ASPG: variants seen among roughly 807,000 people sequenced by gnomAD.
ASPG encodes the protein asparaginase.
A neutral mutation model predicts 63.2 loss-of-function variants in ASPG; 53 were observed. The ratio of observed to expected loss-of-function variants is 0.84; its 90% CI spans 0.67 to 1.05. The LOEUF (loss-of-function observed/expected upper bound fraction) is 1.05. ASPG is among the 50% of genes least tolerant of loss of function. The pLI is 0.00. For missense variants in ASPG, 741 were observed against 794.4 expected, an observed-to-expected ratio of 0.93 and a Z score of 0.81; for synonymous variants, 370 against 355.0, an observed-to-expected ratio of 1.04 and a Z score of -0.48.
In ASPG at chr14:104,085,862, A is replaced by G. The variant is rs1362093384; in HGVS notation, c.82+10A>G. The stretch of plus-strand genomic sequence containing the variant: ...CGGAGTGAGCTCGGCGGTGAGTCCG[A>G]GACCCTGGGCGGGGTAGGCCTCTGG... On this transcript the variant is annotated intron_variant, in intron 1 of 15. Coordinates refer to ENST00000551177, the MANE Select transcript of ASPG (RefSeq NM_001080464.3). 16 of 1,579,078 alleles carry G rather than the reference A, an allele frequency of 1.0e-5. No homozygotes were observed. The highest frequency in any genetic ancestry group is 2.8e-5 in the African/African-American group (2 of 72,172).
chr14:104,107,598 G>C (rs1250352591), intron 12 of ASPG, among the ~76,000 whole-genome samples: 1 of 152,168 alleles, frequency 6.6e-6, no homozygotes, highest in Non-Finnish European at 1.5e-5. Flanking sequence ...GGCTGGGGTG[G>C]AGGTGGGGCA....
chr14:104,104,138 G>A (rs1451282988), intron 7 of ASPG, among the ~76,000 whole-genome samples, 166 bp from the exon 8 acceptor site: 8 of 152,190 alleles, frequency 5.3e-5, no homozygotes, highest in African/African-American at 1.9e-4. Flanking sequence ...CCCTCCAGGT[G>A]CCAGCAGCCA....
intron 12 of ASPG, chr14:104,108,934 C>T (rs1332770890): frequency 1.0e-6 from 1 of 985,260 alleles, no homozygotes; most frequent in Non-Finnish European, 1.2e-6. Flanking sequence ...AACTAATGCC[C>T]TCCCCTGGGT....
chr14:104,100,194 C>G (rs1343734394), intron 6 of ASPG, among the ~76,000 whole-genome samples: 1 of 152,176 alleles, frequency 6.6e-6, no homozygotes, highest in African/African-American at 2.4e-5. Flanking sequence ...AGGCAAGGAC[C>G]CTGGGGAGCT....
intron 1 of ASPG, among the ~76,000 whole-genome samples, chr14:104,087,944 A>C (rs946276793): frequency 3.3e-5 from 5 of 152,172 alleles, no homozygotes; most frequent in Non-Finnish European, 7.3e-5. Context: ...GACCTGAAGC[A>C]GCCTTCTGAG....
intron 13 of ASPG, chr14:104,111,073 T>C (rs989360439): frequency 3.3e-5 from 33 of 985,280 alleles, no homozygotes; most frequent in Non-Finnish European, 4.0e-5. Flanking sequence ...GGAAGAGCGG[T>C]GTGTTGTGTA....
At chr14:104,112,438 G>T in intron 15 of ASPG, 86 bp from the exon 16 acceptor site, 1 of 825,112 alleles carries the variant, frequency 1.2e-6, no homozygotes, top group South Asian at 1.4e-5. Flanking sequence ...GGGCTGTGCC[G>T]TACAGACGGG....
At chr14:104,107,926 G>A (rs142787388) in intron 12 of ASPG, among the ~76,000 whole-genome samples, 31 of 152,300 alleles carry the variant, frequency 2.0e-4, no homozygotes, top group Admixed American at 5.9e-4. Flanking sequence ...GCCGCTGCCC[G>A]GACCCATGGG....
rs2037395288 is a variant in ASPG, at chr14:104,111,929, G to A, written c.1630G>A (p.Ala544Thr). ...GHSALHVAEAAGNLAVVAFLQ... is the reference protein window; with the variant it reads ...GHSALHVAEATGNLAVVAFLQ... ...CACTGCTTCCCCATAGGCAGAGGCA[G>A]CCGGGAACCTGGCAGTGGTGGCCTT... The change falls in exon 15 of 16, where the codon GCC becomes ACC. Residue 544 changes from alanine (A) to threonine (T), a missense_variant. Transcript: ENST00000551177. 1 of 1,554,658 alleles carries A rather than the reference G, an allele frequency of 6.4e-7. No homozygotes were observed. Among genetic ancestry groups the A allele is most frequent in the Non-Finnish European group, 8.7e-7 (1 of 1,148,856 alleles).
At chr14:104,099,647 G>A (rs1160153003) in intron 6 of ASPG, among the ~76,000 whole-genome samples, 1 of 152,230 alleles carries the variant, frequency 6.6e-6, no homozygotes, top group Non-Finnish European at 1.5e-5. Flanking sequence ...CCCGGCCCCT[G>A]CCTGTTCCAG....
Position 104,107,184 on chromosome 14 carries a change from C to A in ASPG, c.1272C>A (p.Gly424=). 6.4e-7 allele frequency: 1 copy of A among 1,563,814 alleles called. No individual in the cohort carries two copies. ...VEALQALVEL[G]SDLGLVDFNG... ...CGCATGTCCTTGTGTTACTCCAGGG[C>A]AGTGACCTGGGCCTGGTGGACTTTA... Residue 424 remains glycine, a splice_region_variant and synonymous_variant, in exon 12 of 16, where the codon GGC becomes GGA. Transcript: ENST00000551177.
At position 104,109,209 on chromosome 14, in the gene ASPG, G is replaced by A. The variant is rs561069481; in HGVS notation, c.1434-20G>A. ...CTGGGCTGGCCAGGGCAGAAGGTCA[G>A]CATGCTCATTCTCACACAGGCATCC... On this transcript the variant is annotated intron_variant, in intron 12 of 15. Transcript: ENST00000551177. The surrounding 1 kb of genome is among the most constrained non-coding windows in gnomAD (Gnocchi z 4.8). 1 of 1,612,012 alleles carries A rather than the reference G, an allele frequency of 6.2e-7. No homozygotes were observed. Among genetic ancestry groups the A allele is most frequent in the South Asian group, 1.1e-5 (1 of 90,588 alleles).
intron 12 of ASPG, among the ~76,000 whole-genome samples, chr14:104,107,901 G>A (rs930088330): frequency 2.0e-5 from 3 of 152,158 alleles, no homozygotes; most frequent in Admixed American, 6.5e-5. Context: ...GAAGGCCAAC[G>A]ACCTGTCTGC....
At chr14:104,107,428 CG>C (rs2037185179) in intron 12 of ASPG, 83 bp downstream of exon 12, 7 of 1,269,620 alleles carry the variant, frequency 5.5e-6, no homozygotes. Flanking sequence ...AACAGCCTCC[CG>C]GGGCTGGGCT....
Position 104,109,368 on chromosome 14 carries a change from G to T in ASPG, c.1520+53G>T. Reference sequence around the variant, plus strand: ...CCAGGGATGTGGGGGACACAGCTTGGGGAAGCGAAGCCAGACCTGCTGGGA... The same window carrying T: ...CCAGGGATGTGGGGGACACAGCTTGTGGAAGCGAAGCCAGACCTGCTGGGA... On this transcript the variant is annotated intron_variant, in intron 13 of 15. Coordinates refer to ENST00000551177, the MANE Select transcript of ASPG (RefSeq NM_001080464.3). The surrounding 1 kb of genome is among the most constrained non-coding windows in gnomAD (Gnocchi z 4.8). The T allele has an allele frequency of 1.3e-6, 2 of 1,534,696 alleles. No homozygotes were observed. Among genetic ancestry groups the T allele is most frequent in the South Asian group, 1.2e-5 (1 of 81,276 alleles).
chr14:104,109,745 G>A lies in ASPG; in HGVS notation c.1520+430G>A, dbSNP rs995843034. Among the ~76,000 whole-genome samples the A allele has an allele frequency of 6.6e-5, 10 of 151,924 alleles. No homozygotes were observed. Among genetic ancestry groups the A allele is most frequent in the African/African-American group, 2.2e-4 (9 of 41,324 alleles). On this transcript the variant is annotated intron_variant, in intron 13 of 15. Coordinates refer to ENST00000551177, the MANE Select transcript of ASPG (RefSeq NM_001080464.3). The surrounding 1 kb of genome is among the most constrained non-coding windows in gnomAD (Gnocchi z 4.8). ...CACAGAGGAGCTGAAGCCCCTGGCAGGTGACAGGTCTCGTGAGCTCTGTTC... is the reference window on the plus strand; with the variant it reads ...CACAGAGGAGCTGAAGCCCCTGGCAAGTGACAGGTCTCGTGAGCTCTGTTC...
intron 13 of ASPG, 35 bp from the exon 14 acceptor site, chr14:104,111,467 G>A: frequency 3.3e-6 from 5 of 1,511,142 alleles, no homozygotes; most frequent in Non-Finnish European, 4.5e-6. Flanking sequence ...GTGCCCAGCA[G>A]GCCCCAACAA....
intron 6 of ASPG, among the ~76,000 whole-genome samples, chr14:104,101,932 G>A (rs563729915): frequency 6.6e-4 from 100 of 152,288 alleles, no homozygotes; most frequent in African/African-American, 2.2e-3. Context: ...AGCCACCAGC[G>A]CTCCTCTCTG....
At chr14:104,093,405 G>A (rs1387637449) in intron 2 of ASPG, 86 bp from the exon 3 acceptor site, 8 of 1,248,080 alleles carry the variant, frequency 6.4e-6, no homozygotes, top group Middle Eastern at 3.8e-4. Context: ...TGCCAGAGGG[G>A]AACAGAGCGG....
Sources: gnomAD v4.1 joint callset for allele counts (sites outside exome capture counted in the v4.1 genomes callset) on GRCh38, gnomAD v4.1.1 for gene constraint, Gnocchi (gnomAD v3.1) non-coding constraint, MANE v1.5 for transcripts, NCBI Gene and HGNC (gene_info 2026-07-23, HGNC 2026-07-21) for gene names.